The following WWOX variants were observed in gnomAD, a reference collection of about 807,000 sequenced individuals.
The protein encoded by WWOX is WW domain-containing oxidoreductase.
Under a neutral mutation model 46.2 loss-of-function variants are expected in WWOX, and 69 were observed. That is an observed-to-expected ratio of 1.49 (90% CI 1.23 to 1.82). The LOEUF (loss-of-function observed/expected upper bound fraction) is 1.82. WWOX is among the 40% of genes most tolerant of loss of function. The pLI, the probability that WWOX is intolerant of heterozygous loss-of-function variation, is 0.00. For missense variants in WWOX, 919 were observed against 542.6 expected, an observed-to-expected ratio of 1.69 and a Z score of -6.89; for synonymous variants, 359 against 202.6, an observed-to-expected ratio of 1.77 and a Z score of -6.56.
chr16:79,150,693 C>T (rs2050261689), intron 8 of WWOX, among the ~76,000 whole-genome samples: 1 of 151,978 alleles, frequency 6.6e-6, no homozygotes, highest in South Asian at 2.1e-4. Flanking sequence ...ACGTCGTTGC[C>T]CAGGCCACCG....
chr16:78,518,528 G>T (rs112242177), intron 8 of WWOX, among the ~76,000 whole-genome samples: 39 of 152,232 alleles, frequency 2.6e-4, no homozygotes, highest in African/African-American at 8.9e-4. Context: ...GCCCATAAAT[G>T]TTATCTTTAT....
chr16:78,898,730 C>T (rs570368620), intron 8 of WWOX: 5 of 152,046 alleles, frequency 3.3e-5, no homozygotes, highest in African/African-American at 7.2e-5. Flanking sequence ...AAGTGTTAAG[C>T]GTTACCATCC....
intron 8 of WWOX, among the ~76,000 whole-genome samples, chr16:79,115,681 C>T (rs968138208): frequency 3.9e-5 from 6 of 152,154 alleles, no homozygotes; most frequent in African/African-American, 9.7e-5. Context: ...GGGGGCCTCT[C>T]CCAGCCCCCG....
chr16:78,547,125 CAGAAAAAAAAAAAAAA>C (rs775619832), intron 8 of WWOX, among the ~76,000 whole-genome samples: 2 of 24,028 alleles, frequency 8.3e-5, no homozygotes, highest in Admixed American at 6.7e-4. Context: ...GACCTTGTCT[CAGAAAAAAAAAAAAAA>C]AAAAAAAAAA....
At chr16:79,061,721 C>T (rs562282707) in intron 8 of WWOX, among the ~76,000 whole-genome samples, 1 of 152,324 alleles carries the variant, frequency 6.6e-6, no homozygotes, top group African/African-American at 2.4e-5. Context: ...CCTAATTTTG[C>T]TCAGGGCTAC....
chr16:79,211,485 C>G (rs927903995), intron 8 of WWOX, 123 bp from the exon 9 acceptor site: 28 of 1,285,826 alleles, frequency 2.2e-5, no homozygotes, highest in African/African-American at 2.9e-5. Context: ...CTTTGCTATG[C>G]CAAGATCCAG....
intron 8 of WWOX, among the ~76,000 whole-genome samples, chr16:79,046,448 C>A (rs1023300403): frequency 6.6e-6 from 1 of 152,120 alleles, no homozygotes; most frequent in African/African-American, 2.4e-5. Flanking sequence ...TTACATGGTT[C>A]TGGAGACTGG....
At chr16:78,839,603 G>C (rs1358783382) in intron 8 of WWOX, among the ~76,000 whole-genome samples, 1 of 152,136 alleles carries the variant, frequency 6.6e-6, no homozygotes, top group African/African-American at 2.4e-5. Context: ...CAGCCTGTCA[G>C]CACATATTTA....
chr16:78,999,079 A>G (rs1460071211), intron 8 of WWOX, among the ~76,000 whole-genome samples: 1 of 152,108 alleles, frequency 6.6e-6, no homozygotes, highest in Admixed American at 6.6e-5. Flanking sequence ...GGAAATCAAA[A>G]GTAGGTTTGC....
At chr16:78,518,639 A>G (rs1037308572) in intron 8 of WWOX, among the ~76,000 whole-genome samples, 1 of 152,140 alleles carries the variant, frequency 6.6e-6, no homozygotes, top group Non-Finnish European at 1.5e-5. Flanking sequence ...GGGCATCTAG[A>G]TTTCATTTAT....
At chr16:78,188,479 C>G (rs1414955937) in intron 5 of WWOX, among the ~76,000 whole-genome samples, 1 of 124,662 alleles carries the variant, frequency 8.0e-6, no homozygotes. Context: ...CAGAGCGAGA[C>G]TCTGTCTCAA....
chr16:78,790,719 C>G lies in WWOX; in HGVS notation c.1056+357967C>G, dbSNP rs867276973. 9.2e-5 allele frequency among the ~76,000 whole-genome samples: 14 copies of G among 152,000 alleles called. 1 individual carries two copies. The highest frequency in any genetic ancestry group is 7.7e-4 in the East Asian group (4 of 5,186). ...GACTGTGGTTTACAAATAAGTAGTA[C>G]TAGTAACATCTCACTGTTGGCTGGG... On this transcript the variant is annotated intron_variant, in intron 8 of 8. Coordinates refer to ENST00000566780, the MANE Select transcript of WWOX (RefSeq NM_016373.4).
intron 5 of WWOX, among the ~76,000 whole-genome samples, chr16:78,313,044 C>T (rs959289338): frequency 1.3e-5 from 2 of 152,248 alleles, no homozygotes; most frequent in African/African-American, 4.8e-5. Context: ...TAACACCAGA[C>T]ATGTCCTGTT....
intron 8 of WWOX, among the ~76,000 whole-genome samples, chr16:79,059,080 T>A (rs9972661): frequency 0.58 from 88,650 of 152,014 alleles, 26,216 homozygotes; most frequent in African/African-American, 0.64. Context: ...AATATCTCCT[T>A]TTGAAAATGA....
chr16:79,032,046 T>A (rs1442164610), intron 8 of WWOX, among the ~76,000 whole-genome samples: 1 of 144,912 alleles, frequency 6.9e-6, no homozygotes, highest in African/African-American at 2.5e-5. Flanking sequence ...AGCTCCTGCC[T>A]CCTTCTGTAT....
intron 5 of WWOX, among the ~76,000 whole-genome samples, chr16:78,381,291 T>TA (rs2081952194): frequency 6.6e-6 from 1 of 152,230 alleles, no homozygotes; most frequent in Non-Finnish European, 1.5e-5. Flanking sequence ...ATTCCACACT[T>TA]ACAGACTCTT....
intron 8 of WWOX, among the ~76,000 whole-genome samples, chr16:78,834,380 T>A (rs2051917338): frequency 6.6e-6 from 1 of 152,178 alleles, no homozygotes; most frequent in African/African-American, 2.4e-5. Context: ...CGTGCGTGTG[T>A]CTCATAAATC....
chr16:78,101,991 C>T (rs2031825973), intron 1 of WWOX, among the ~76,000 whole-genome samples: 1 of 152,126 alleles, frequency 6.6e-6, no homozygotes, highest in South Asian at 2.1e-4. Context: ...ATGGTGGCAC[C>T]CTCACAGTAA....
At chr16:78,855,975 C>T (rs59561728) in intron 8 of WWOX, among the ~76,000 whole-genome samples, 56,788 of 151,948 alleles carry the variant, frequency 0.37, 10,718 homozygotes, top group Middle Eastern at 0.49. Flanking sequence ...AGTCGGTGCA[C>T]GCACAAGGTA....
Sources: gnomAD v4.1 joint callset for allele counts (sites outside exome capture counted in the v4.1 genomes callset) on GRCh38, gnomAD v4.1.1 for gene constraint, MANE v1.5 for transcripts, NCBI Gene and HGNC (gene_info 2026-07-23, HGNC 2026-07-21) for gene names.